CLNK: variants seen among roughly 807,000 people sequenced by gnomAD.
CLNK encodes cytokine-dependent hematopoietic cell linker.
Under a neutral mutation model 68.6 loss-of-function variants are expected in CLNK, and 74 were observed. The ratio of observed to expected loss-of-function variants is 1.08; its 90% confidence interval spans 0.89 to 1.31. CLNK has a LOEUF of 1.31. Ranked by LOEUF, CLNK falls within the 50% of genes most tolerant of loss-of-function variation. The pLI, the probability that CLNK is intolerant of heterozygous loss-of-function variation, is 0.00. For missense variants in CLNK, 553 were observed against 515.3 expected, an observed-to-expected ratio of 1.07 and a Z score of -0.71; for synonymous variants, 198 against 172.2, an observed-to-expected ratio of 1.15 and a Z score of -1.17.
intron 11 of CLNK, among the ~76,000 whole-genome samples, chr4:10,539,040 T>C (rs537963230): frequency 2.6e-4 from 39 of 152,248 alleles, no homozygotes; most frequent in Non-Finnish European, 5.1e-4. Context: ...AGAATCATGC[T>C]TCCTGTGCAG....
intron 1 of CLNK, among the ~76,000 whole-genome samples, chr4:10,673,192 G>A (rs1243761287): frequency 6.6e-6 from 1 of 152,132 alleles, no homozygotes; most frequent in Non-Finnish European, 1.5e-5. Context: ...CTATTTATGA[G>A]GCTTTACAAT....
intron 8 of CLNK, among the ~76,000 whole-genome samples, chr4:10,545,910 G>A (rs1034695991): frequency 1.3e-5 from 2 of 152,208 alleles, no homozygotes; most frequent in African/African-American, 4.8e-5. Flanking sequence ...CTTGAGCCGG[G>A]CAGCCATGAA....
At chr4:10,668,515 C>T (rs982847768) in intron 1 of CLNK, among the ~76,000 whole-genome samples, 2 of 152,118 alleles carry the variant, frequency 1.3e-5, no homozygotes, top group African/African-American at 4.8e-5. Flanking sequence ...AGGATATCAG[C>T]TGAGGTTCCA....
intron 17 of CLNK, among the ~76,000 whole-genome samples, chr4:10,505,384 C>T (rs1167227324): frequency 6.6e-6 from 1 of 152,200 alleles, no homozygotes; most frequent in Non-Finnish European, 1.5e-5. Flanking sequence ...GGCTTAGCCT[C>T]AGTTTCCTCA....
chr4:10,668,726 C>G (rs1209285610), intron 1 of CLNK, among the ~76,000 whole-genome samples: 1 of 152,154 alleles, frequency 6.6e-6, no homozygotes, highest in Non-Finnish European at 1.5e-5. Flanking sequence ...AGACAGGTCT[C>G]TCTTTCTGGG....
chr4:10,528,779 C>G (rs1189994042), intron 12 of CLNK, among the ~76,000 whole-genome samples: 2 of 152,180 alleles, frequency 1.3e-5, no homozygotes, highest in Non-Finnish European at 2.9e-5. Flanking sequence ...AAAGGTTGTA[C>G]TTAAGCAATA....
At chr4:10,712,880 C>T in the CLNK span, among the ~76,000 whole-genome samples, 1 of 152,186 alleles carries the variant, frequency 6.6e-6, no homozygotes, top group African/African-American at 2.4e-5. Context: ...AAAGAGGTGA[C>T]TAAACTGGTC....
At chr4:10,622,239 TC>T (rs1372099517) in intron 2 of CLNK, among the ~76,000 whole-genome samples, 1 of 152,170 alleles carries the variant, frequency 6.6e-6, no homozygotes, top group African/African-American at 2.4e-5. Flanking sequence ...ATGATATTAT[TC>T]CCATTATACT....
chr4:10,593,409 C>G (rs948134355), intron 3 of CLNK, among the ~76,000 whole-genome samples: 1 of 152,028 alleles, frequency 6.6e-6, no homozygotes. Flanking sequence ...CATCCCAGGT[C>G]TTTGGGAGGC....
intron 5 of CLNK, 36 bp downstream of exon 5, chr4:10,571,705 G>A (rs1475499110): frequency 1.3e-6 from 2 of 1,546,084 alleles, no homozygotes; most frequent in South Asian, 1.1e-5. Context: ...CAATATTAAA[G>A]ACGTATAAAA....
At chr4:10,699,512 A>ATATATATATATATATATAT in the CLNK span, among the ~76,000 whole-genome samples, 1 of 32,746 alleles carries the variant, frequency 3.1e-5, no homozygotes, top group African/African-American at 1.2e-4. Context: ...ATATATATAT[A>ATATATATATATATATATAT]TTTTTTTTTT....
At chr4:10,714,913 TA>T in the CLNK span, among the ~76,000 whole-genome samples, 1 of 152,174 alleles carries the variant, frequency 6.6e-6, no homozygotes, top group East Asian at 1.9e-4. Flanking sequence ...TTTCTTTTTT[TA>T]TTCAGCATTT....
intron 2 of CLNK, among the ~76,000 whole-genome samples, chr4:10,659,942 C>G (rs1724129249): frequency 6.6e-6 from 1 of 152,152 alleles, no homozygotes; most frequent in South Asian, 2.1e-4. Flanking sequence ...TTTCTCCTTT[C>G]TTATGTCTCA....
At chr4:10,541,892 C>A in intron 10 of CLNK, 130 bp downstream of exon 10, 6 of 617,280 alleles carry the variant, frequency 9.7e-6, no homozygotes, top group South Asian at 2.1e-5. Context: ...TTTTTTTTTT[C>A]CACATCCGTC....
At chr4:10,731,570 A>G in the CLNK span, among the ~76,000 whole-genome samples, 2 of 152,180 alleles carry the variant, frequency 1.3e-5, no homozygotes, top group African/African-American at 4.8e-5. Context: ...ATATTTTGTT[A>G]TTCTCTCTTA....
chr4:10,626,205 C>T (rs572873057), intron 2 of CLNK, among the ~76,000 whole-genome samples: 3 of 152,334 alleles, frequency 2.0e-5, no homozygotes, highest in Admixed American at 6.5e-5. Flanking sequence ...CAGAACCCTG[C>T]ACCCCATTGC....
chr4:10,665,404 G>A (rs1724354454), intron 2 of CLNK, among the ~76,000 whole-genome samples: 1 of 152,210 alleles, frequency 6.6e-6, no homozygotes, highest in Middle Eastern at 3.4e-3. Flanking sequence ...GGTGGCTCAC[G>A]CCTGTAATTC....
chr4:10,709,518 A>G, the CLNK span, among the ~76,000 whole-genome samples: 1 of 152,174 alleles, frequency 6.6e-6, no homozygotes, highest in Non-Finnish European at 1.5e-5. Flanking sequence ...TTGGACACGG[A>G]GAATTGATAA....
At chr4:10,550,635 C>T (rs1259555948) in intron 8 of CLNK, among the ~76,000 whole-genome samples, 3 of 152,186 alleles carry the variant, frequency 2.0e-5, no homozygotes, top group African/African-American at 7.2e-5. Context: ...ATATCCTATG[C>T]TTTTCCTAAA....
Sources: allele counts gnomAD v4.1 joint callset (sites outside exome capture counted in the v4.1 genomes callset), GRCh38; gene constraint gnomAD v4.1.1; transcripts MANE v1.5; gene names NCBI Gene and HGNC (gene_info 2026-07-23, HGNC 2026-07-21).